RDX: variants seen among roughly 807,000 people sequenced by gnomAD.
The protein encoded by RDX is radixin.
In RDX, 32 loss-of-function variants were observed where a neutral mutation model predicts 83.7. The ratio of observed to expected loss-of-function variants is 0.38; its 90% CI spans 0.29 to 0.51. The LOEUF (loss-of-function observed/expected upper bound fraction) is 0.51. RDX is among the 20% of genes least tolerant of loss of function. The pLI is 0.87. For synonymous variants in RDX, 229 were observed against 222.7 expected, an observed-to-expected ratio of 1.03 and a Z score of -0.25; for missense variants, 600 against 689.9, an observed-to-expected ratio of 0.87 and a Z score of 1.46.
Position 110,230,929 on chromosome 11 carries a change from A to G in RDX, c.*940T>C, listed in dbSNP as rs1020916869. 2 of 133,134 alleles carry G rather than the reference A, an allele frequency of 1.5e-5. No homozygotes were observed. The highest frequency in any genetic ancestry group is 3.2e-5 in the Non-Finnish European group (2 of 62,692). The allele number at this position is 133,134 out of a possible 1,614,324, so 8.2% of individuals were successfully genotyped here. Reference sequence around the variant, plus strand: ...TCCCCTCCTCGGGACTGATGTTTTTATATGCTGCCCTTCCAGAAAAGGTCC... The same window carrying G: ...TCCCCTCCTCGGGACTGATGTTTTTGTATGCTGCCCTTCCAGAAAAGGTCC... On this transcript the variant is annotated 3_prime_UTR_variant, in exon 14 of 14. Transcript: ENST00000645495.
At chr11:110,244,812 A>T (rs1865243639) in intron 10 of RDX, among the ~76,000 whole-genome samples, 1 of 152,192 alleles carries the variant, frequency 6.6e-6, no homozygotes, top group African/African-American at 2.4e-5. Flanking sequence ...CAGAAATCAC[A>T]TTTGAAGTTA....
intron 14 of RDX, among the ~76,000 whole-genome samples, chr11:110,219,121 G>A (rs925853875): frequency 6.6e-6 from 1 of 152,186 alleles, no homozygotes; most frequent in African/African-American, 2.4e-5. Context: ...TTTAAATAGG[G>A]TTGTAAAAGG....
rs116115053 is a variant in RDX, at chr11:110,224,155, C to T, written c.1748+7718G>A. ...AATCTCTGAGTTATGTTTTGGTGAA[C>T]ATAATCCTGTCATAATGAGCTGAAA... On this transcript the variant is annotated intron_variant, in intron 14 of 15. Coordinates refer to the RDX transcript ENST00000528498. Among the ~76,000 whole-genome samples the T allele has an allele frequency of 6.3e-3, 959 of 151,608 alleles. 11 individuals carry two copies. Among genetic ancestry groups the T allele is most frequent in the African/African-American group, 0.021 (864 of 41,322 alleles).
intron 7 of RDX, among the ~76,000 whole-genome samples, 189 bp downstream of exon 7, chr11:110,257,578 C>G (rs1221680801): frequency 1.3e-5 from 2 of 152,064 alleles, no homozygotes; most frequent in African/African-American, 4.8e-5. Context: ...AAGTAGAACT[C>G]TGAAACTGCA....
In RDX at chr11:110,179,510, T is replaced by A. The variant is rs1862838820; in HGVS notation, c.*32-4276A>T. Among the ~76,000 whole-genome samples the A allele has an allele frequency of 3.3e-5, 5 of 152,224 alleles. No homozygotes were observed. The South Asian group carries it at 1.0e-3, about 32-fold the overall frequency. ...TATCTAGGCCAGGCATGGTGGCTCA[T>A]GCCTGTAATCCCAGCACTTCGGAAG... On this transcript the variant is annotated intron_variant, in intron 15 of 15. Transcript: ENST00000528498.
chr11:110,270,051 AT>A (rs200673686), intron 3 of RDX, among the ~76,000 whole-genome samples: 20 of 151,698 alleles, frequency 1.3e-4, no homozygotes, highest in South Asian at 4.2e-4. Context: ...CTAAAAAAAA[AT>A]TTTTTTTTAA....
downstream of RDX, among the ~76,000 whole-genome samples, chr11:110,228,358 T>C (rs1256903140): frequency 1.3e-5 from 2 of 151,978 alleles, no homozygotes; most frequent in African/African-American, 4.8e-5. Flanking sequence ...ATTAGAATAT[T>C]TGATAGGTTA....
At chr11:110,277,373 G>A (rs1159818012) in intron 2 of RDX, among the ~76,000 whole-genome samples, 1 of 152,084 alleles carries the variant, frequency 6.6e-6, no homozygotes, top group Non-Finnish European at 1.5e-5. Flanking sequence ...AGGTTGAAGT[G>A]CAGTGGTGCG....
chr11:110,201,853 C>T (rs1863416519), intron 14 of RDX, among the ~76,000 whole-genome samples: 1 of 151,324 alleles, frequency 6.6e-6, no homozygotes, highest in Non-Finnish European at 1.5e-5. Flanking sequence ...CCTGTCTCAG[C>T]TTCCCAGGTA....
At chr11:110,269,901 G>C (rs1180261802) in intron 3 of RDX, among the ~76,000 whole-genome samples, 1 of 152,052 alleles carries the variant, frequency 6.6e-6, no homozygotes, top group Non-Finnish European at 1.5e-5. Context: ...AATTAGCCGG[G>C]CATGGTGGAG....
At chr11:110,283,374 G>C (rs978776651) in intron 1 of RDX, among the ~76,000 whole-genome samples, 1 of 151,996 alleles carries the variant, frequency 6.6e-6, no homozygotes, top group African/African-American at 2.4e-5. Context: ...GGCTGGTCTC[G>C]AACTCTTGAC....
At chr11:110,252,779 CT>C (rs72493259) in intron 9 of RDX, among the ~76,000 whole-genome samples, 43,148 of 92,432 alleles carry the variant, frequency 0.47, 6,656 homozygotes, top group Non-Finnish European at 0.54. Context: ...ACTCATTACT[CT>C]TTTTTTTATT....
intron 12 of RDX, among the ~76,000 whole-genome samples, chr11:110,234,085 C>T (rs1864746041): frequency 1.3e-5 from 2 of 152,082 alleles, no homozygotes; most frequent in Non-Finnish European, 2.9e-5. Context: ...TGAACAATAC[C>T]CCCTTTTTCT....
intron 3 of RDX, among the ~76,000 whole-genome samples, chr11:110,271,244 T>G (rs542024240): frequency 6.6e-6 from 1 of 152,334 alleles, no homozygotes; most frequent in African/African-American, 2.4e-5. Flanking sequence ...TTCATCAGAT[T>G]TGAATCTGTA....
intron 14 of RDX, among the ~76,000 whole-genome samples, chr11:110,203,413 TAAAA>T (rs34158580): frequency 1.0e-4 from 13 of 125,488 alleles, no homozygotes; most frequent in South Asian, 2.5e-4. Flanking sequence ...TGTTAATGGG[TAAAA>T]AAAAAAAAAA....
At chr11:110,207,991 T>G (rs1330642666) in intron 14 of RDX, among the ~76,000 whole-genome samples, 3 of 151,792 alleles carry the variant, frequency 2.0e-5, no homozygotes, top group Non-Finnish European at 4.4e-5. Context: ...AATCAGATTT[T>G]TTTTTTTTTT....
intron 10 of RDX, among the ~76,000 whole-genome samples, chr11:110,240,548 C>T (rs547816073): frequency 0.018 from 2,794 of 151,128 alleles, 88 homozygotes; most frequent in African/African-American, 0.064. Flanking sequence ...TCGAGACCAT[C>T]CTGGCTAACA....
At chr11:110,205,957 A>C (rs1364915444) in intron 14 of RDX, among the ~76,000 whole-genome samples, 1 of 152,138 alleles carries the variant, frequency 6.6e-6, no homozygotes, top group East Asian at 1.9e-4. Context: ...TTTAAAAAAT[A>C]CTCGTAACAA....
chr11:110,251,483 A>T (rs138651645), intron 9 of RDX, among the ~76,000 whole-genome samples: 171 of 152,316 alleles, frequency 1.1e-3, no homozygotes, highest in Middle Eastern at 6.8e-3. Context: ...TAGTAAGAGC[A>T]AGGAAACACA....
Sources: gnomAD v4.1 joint callset for allele counts (sites outside exome capture counted in the v4.1 genomes callset) on GRCh38, gnomAD v4.1.1 for gene constraint, MANE v1.5 for transcripts, NCBI Gene and HGNC (gene_info 2026-07-23, HGNC 2026-07-21) for gene names.